Variants in UST observed in about 807,000 individuals in gnomAD.
The protein encoded by UST is uronyl 2-sulfotransferase, also known as chondroitin sulfate 2-O-sulfotransferase.
Under a neutral mutation model 45.6 loss-of-function variants are expected in UST, and 21 were observed. The observed-to-expected ratio is 0.46, with a 90% CI of 0.33 to 0.66. The LOEUF is 0.66. Among genes scored for constraint, UST ranks in the 30% least tolerant of loss-of-function variants. The pLI, the probability that UST is intolerant of heterozygous loss-of-function variation, is 0.02. For missense variants in UST, 463 were observed against 512.4 expected, an observed-to-expected ratio of 0.90 and a Z score of 0.93; for synonymous variants, 215 against 200.6, an observed-to-expected ratio of 1.07 and a Z score of -0.61.
intron 1 of UST, among the ~76,000 whole-genome samples, chr6:148,776,401 A>G (rs1010309989): frequency 2.0e-5 from 3 of 152,200 alleles, no homozygotes; most frequent in East Asian, 1.9e-4. Flanking sequence ...AGTGTGGTCA[A>G]TGACGCAACT....
intron 7 of UST, among the ~76,000 whole-genome samples, chr6:149,035,172 A>G (rs928893795): frequency 3.3e-5 from 5 of 152,070 alleles, no homozygotes; most frequent in African/African-American, 1.2e-4. Flanking sequence ...TTTCTCTGGA[A>G]GAGTTCCTCA....
rs67953897 is a variant in UST, at chr6:148,798,851, G to GATTTATTT, written c.247+51203_247+51210dup. On this transcript the variant is annotated intron_variant, in intron 1 of 7. Transcript: ENST00000367463. ...GGAAAAGCAATGCAGGAGGAGATAG[G>GATTTATTT]ATTTATTTATTTATTTATTTATTTA... Among the ~76,000 whole-genome samples, 1,333 of 149,726 alleles carry GATTTATTT rather than the reference G, an allele frequency of 8.9e-3. 22 individuals are homozygous for GATTTATTT. Among genetic ancestry groups the GATTTATTT allele is most frequent in the African/African-American group, 0.031 (1,259 of 40,422 alleles).
At chr6:149,006,290 T>C (rs1226014527) in intron 5 of UST, among the ~76,000 whole-genome samples, 1 of 152,066 alleles carries the variant, frequency 6.6e-6, no homozygotes, top group Non-Finnish European at 1.5e-5. Flanking sequence ...CCTATGTCCA[T>C]GTGTTCTCAT....
At position 148,974,170 on chromosome 6, in the gene UST, G is replaced by T. The variant is rs1780973031; in HGVS notation, c.681+9607G>T. Reference sequence around the variant, plus strand: ...TGGGGCATGATGTCGATGTTAGCATGAGCTTATTATTAAAAGGAGGTGGGT... The same window carrying T: ...TGGGGCATGATGTCGATGTTAGCATTAGCTTATTATTAAAAGGAGGTGGGT... On this transcript the variant is annotated intron_variant, in intron 5 of 7. Transcript: ENST00000367463. 2.0e-5 allele frequency among the ~76,000 whole-genome samples: 3 copies of T among 152,134 alleles called. No homozygotes were observed. The South Asian group carries it at 6.2e-4, about 32-fold the overall frequency.
At chr6:148,969,030 G>A (rs1486885603) in intron 5 of UST, among the ~76,000 whole-genome samples, 2 of 152,210 alleles carry the variant, frequency 1.3e-5, no homozygotes, top group Non-Finnish European at 2.9e-5. Flanking sequence ...GTTGGATTCT[G>A]GAGAAGTCTG....
At chr6:148,785,106 C>T (rs1261093995) in intron 1 of UST, among the ~76,000 whole-genome samples, 1 of 151,198 alleles carries the variant, frequency 6.6e-6, no homozygotes, top group African/African-American at 2.4e-5. Flanking sequence ...GAGGTTGAGG[C>T]AGGAGAATTT....
At chr6:148,774,949 C>G (rs1170320224) in intron 1 of UST, among the ~76,000 whole-genome samples, 1 of 151,776 alleles carries the variant, frequency 6.6e-6, no homozygotes, top group Non-Finnish European at 1.5e-5. Context: ...ACCTGGGATG[C>G]GGGGGTTGCA....
chr6:148,755,939 C>G (rs890484214), intron 1 of UST, among the ~76,000 whole-genome samples: 10 of 151,994 alleles, frequency 6.6e-5, no homozygotes, highest in Non-Finnish European at 8.8e-5. Context: ...CATGTGCCAT[C>G]TTGGTGTGCT....
intron 1 of UST, among the ~76,000 whole-genome samples, chr6:148,873,140 A>G (rs2114819138): frequency 1.3e-5 from 2 of 152,332 alleles, no homozygotes; most frequent in African/African-American, 4.8e-5. Flanking sequence ...TCTTGCAATA[A>G]TGTGAATGGA....
At chr6:148,772,814 T>C (rs1374395574) in intron 1 of UST, among the ~76,000 whole-genome samples, 1 of 152,174 alleles carries the variant, frequency 6.6e-6, no homozygotes, top group Non-Finnish European at 1.5e-5. Context: ...ATGAACATAT[T>C]TTGAATGTCT....
chr6:148,862,498 T>C (rs961685352), intron 1 of UST, among the ~76,000 whole-genome samples: 13 of 152,234 alleles, frequency 8.5e-5, no homozygotes, highest in Non-Finnish European at 2.9e-5. Context: ...CCCATTTACA[T>C]TTAAGGTTAA....
At chr6:148,989,562 A>G (rs1208517761) in intron 5 of UST, among the ~76,000 whole-genome samples, 3 of 152,248 alleles carry the variant, frequency 2.0e-5, no homozygotes, top group Non-Finnish European at 2.9e-5. Flanking sequence ...TTGCATTAAC[A>G]GAAGTATCTG....
intron 1 of UST, among the ~76,000 whole-genome samples, chr6:148,786,226 A>G (rs1247163942): frequency 6.6e-6 from 1 of 151,776 alleles, no homozygotes; most frequent in Non-Finnish European, 1.5e-5. Flanking sequence ...CTTTTTTTAA[A>G]TTTCCAGCTT....
At chr6:148,793,331 C>T (rs943515085) in intron 1 of UST, among the ~76,000 whole-genome samples, 17 of 151,736 alleles carry the variant, frequency 1.1e-4, no homozygotes, top group African/African-American at 3.6e-4. Context: ...CATAAAGAAA[C>T]GTACGCAAAT....
intron 1 of UST, among the ~76,000 whole-genome samples, chr6:148,752,355 G>A (rs1776006686): frequency 6.6e-6 from 1 of 152,140 alleles, no homozygotes; most frequent in South Asian, 2.1e-4. Context: ...GGAAATGAAT[G>A]CATAAAATAT....
chr6:148,842,526 G>A (rs879546781), intron 1 of UST, among the ~76,000 whole-genome samples: 1 of 152,200 alleles, frequency 6.6e-6, no homozygotes, highest in East Asian at 1.9e-4. Context: ...GGCTGACTTT[G>A]TTGAGGAAAA....
chr6:149,068,559 A>G (rs1776774913), intron 7 of UST, among the ~76,000 whole-genome samples: 1 of 152,224 alleles, frequency 6.6e-6, no homozygotes, highest in East Asian at 1.9e-4. Flanking sequence ...TAATCGTGCA[A>G]ATATGTCCTG....
At chr6:148,829,961 C>T (rs2114757099) in intron 1 of UST, among the ~76,000 whole-genome samples, 1 of 152,256 alleles carries the variant, frequency 6.6e-6, no homozygotes, top group South Asian at 2.1e-4. Context: ...TTGCATATCA[C>T]TTTGTTAACA....
At chr6:148,911,339 G>A (rs1779471167) in intron 2 of UST, among the ~76,000 whole-genome samples, 1 of 152,070 alleles carries the variant, frequency 6.6e-6, no homozygotes, top group Non-Finnish European at 1.5e-5. Flanking sequence ...AACATTATCT[G>A]CGATTTCTGT....
Sources: allele counts gnomAD v4.1 joint callset (sites outside exome capture counted in the v4.1 genomes callset), GRCh38; gene constraint gnomAD v4.1.1; transcripts MANE v1.5; gene names NCBI Gene and HGNC (gene_info 2026-07-23, HGNC 2026-07-21).